Variants in ST6GALNAC3 observed in about 807,000 individuals in gnomAD.
ST6GALNAC3 encodes alpha-N-acetylgalactosaminide alpha-2,6-sialyltransferase 3.
In ST6GALNAC3, 25 loss-of-function variants were observed where a neutral mutation model predicts 32.7. The observed-to-expected ratio is 0.76, with a 90% CI of 0.56 to 1.07. The LOEUF is 1.07. ST6GALNAC3 is among the 50% of genes least tolerant of loss of function. The pLI is 0.00. For synonymous variants in ST6GALNAC3, 129 were observed against 133.1 expected (o/e 0.97, Z 0.21); for missense variants, 355 against 382.4 (o/e 0.93, Z 0.60).
At chr1:76,150,291 G>A (rs772706037) in intron 1 of ST6GALNAC3, among the ~76,000 whole-genome samples, 1 of 152,180 alleles carries the variant, frequency 6.6e-6, no homozygotes, top group Middle Eastern at 3.2e-3. Context: ...CTTCGTTCAA[G>A]TTGACTTCAA....
At chr1:76,201,384 G>T (rs114848896) in intron 1 of ST6GALNAC3, among the ~76,000 whole-genome samples, 1 of 152,172 alleles carries the variant, frequency 6.6e-6, no homozygotes, top group African/African-American at 2.4e-5. Context: ...CTATCAATGA[G>T]AACAGCATGG....
At chr1:76,589,215 G>A (rs1244242948) in intron 3 of ST6GALNAC3, among the ~76,000 whole-genome samples, 1 of 152,178 alleles carries the variant, frequency 6.6e-6, no homozygotes, top group East Asian at 1.9e-4. Flanking sequence ...CATGCCATTT[G>A]CAAATATCTC....
In ST6GALNAC3 at chr1:76,628,798, T is replaced by A. The variant is rs1221597960; in HGVS notation, c.910T>A (p.Leu304Met). 1.2e-6 allele frequency: 2 copies of A among 1,610,924 alleles called. No individual in the cohort carries two copies. The highest frequency in any genetic ancestry group is 8.5e-7 in the Non-Finnish European group (1 of 1,178,418). Residue 304 changes from leucine (L) to methionine (M), a missense_variant, in exon 5 of 5, where the codon TTG (leucine) becomes ATG (methionine). Transcript: ENST00000328299. ...RIIFTHPNWT[L>M]S ...AATATTTACACATCCAAACTGGACA[T>A]TGTCTTGATAATGGTTTTCCTGATC...
In ST6GALNAC3 at chr1:76,418,435, G is replaced by C. The variant is rs150519243; in HGVS notation, c.623+6018G>C. 2.3e-3 allele frequency among the ~76,000 whole-genome samples: 348 copies of C among 152,154 alleles called. 5 individuals are homozygous for C. The highest frequency in any genetic ancestry group is 7.9e-3 in the African/African-American group (328 of 41,524). ...AAACAACTATGCTAGCCATATCTTAGAGTCGCCATGGGGTACAGAAATGTG... is the reference window on the plus strand; with the variant it reads ...AAACAACTATGCTAGCCATATCTTACAGTCGCCATGGGGTACAGAAATGTG... On this transcript the variant is annotated intron_variant, in intron 3 of 4. Coordinates refer to ENST00000328299, the MANE Select transcript of ST6GALNAC3 (RefSeq NM_152996.4).
chr1:76,472,691 G>A (rs773081902), intron 3 of ST6GALNAC3, among the ~76,000 whole-genome samples: 7 of 152,128 alleles, frequency 4.6e-5, no homozygotes, highest in African/African-American at 1.4e-4. Context: ...ATGAGTTCAC[G>A]TGGATAAGAT....
chr1:76,549,181 A>G (rs1664472100), intron 3 of ST6GALNAC3, among the ~76,000 whole-genome samples: 1 of 152,194 alleles, frequency 6.6e-6, no homozygotes, highest in African/African-American at 2.4e-5. Flanking sequence ...CAGCTCTATC[A>G]AATTTACAGA....
chr1:76,215,629 C>T lies in ST6GALNAC3; in HGVS notation c.19-98176C>T, dbSNP rs147575473. Among the ~76,000 whole-genome samples the T allele has an allele frequency of 4.3e-4, 65 of 152,254 alleles. 1 individual carries two copies. The East Asian group carries it at 0.01, about 24-fold the overall frequency. ...GAAAAATGCATGCTGCATGTAGTTCCGAATGCCCCACCCAAATCTTGGAGC... is the reference window on the plus strand; with the variant it reads ...GAAAAATGCATGCTGCATGTAGTTCTGAATGCCCCACCCAAATCTTGGAGC... On this transcript the variant is annotated intron_variant, in intron 1 of 4. Transcript: ENST00000328299.
intron 1 of ST6GALNAC3, among the ~76,000 whole-genome samples, chr1:76,151,909 G>A (rs966410260): frequency 7.2e-5 from 11 of 152,304 alleles, no homozygotes; most frequent in South Asian, 2.1e-4. Context: ...TGGAGAAGCC[G>A]GTTCTTGAGA....
intron 1 of ST6GALNAC3, among the ~76,000 whole-genome samples, chr1:76,215,887 T>G (rs531885570): frequency 6.6e-6 from 1 of 152,216 alleles, no homozygotes. Context: ...ATTTGCTTAC[T>G]ACAGTGCTTT....
intron 1 of ST6GALNAC3, among the ~76,000 whole-genome samples, chr1:76,199,088 A>G (rs1654377893): frequency 6.6e-6 from 1 of 152,162 alleles, no homozygotes; most frequent in African/African-American, 2.4e-5. Flanking sequence ...CATGGCTCAA[A>G]TTCTTCCCTT....
At chr1:76,313,577 T>G (rs1215765174) in intron 1 of ST6GALNAC3, 7 of 644,494 alleles carry the variant, frequency 1.1e-5, no homozygotes, top group Non-Finnish European at 1.4e-5. Flanking sequence ...AGGGTGGAGA[T>G]GCAATGGAAG....
Position 76,345,817 on chromosome 1 carries a change from T to A in ST6GALNAC3, c.213+31818T>A, listed in dbSNP as rs181981407. On this transcript the variant is annotated intron_variant, in intron 2 of 4. Coordinates refer to ENST00000328299, the MANE Select transcript of ST6GALNAC3 (RefSeq NM_152996.4). ...CCCTCCCACTCTCTCTCTTGCTCCCTCCATTCCACACACACTGGTCTCCTT... is the reference window on the plus strand; with the variant it reads ...CCCTCCCACTCTCTCTCTTGCTCCCACCATTCCACACACACTGGTCTCCTT... 5.9e-5 allele frequency among the ~76,000 whole-genome samples: 9 copies of A among 152,134 alleles called. No individual in the cohort carries two copies. The East Asian group carries it at 1.7e-3, about 30-fold the overall frequency.
chr1:76,171,748 G>A (rs539488615), intron 1 of ST6GALNAC3, among the ~76,000 whole-genome samples: 39 of 148,332 alleles, frequency 2.6e-4, no homozygotes, highest in Middle Eastern at 3.5e-3. Context: ...GGAAAAAGCC[G>A]AATCCCTGAA....
intron 1 of ST6GALNAC3, among the ~76,000 whole-genome samples, chr1:76,114,089 C>T (rs1262229403): frequency 4.0e-5 from 6 of 151,524 alleles, no homozygotes; most frequent in Non-Finnish European, 8.8e-5. Context: ...GTGATCCACC[C>T]GCCTCGGCCT....
chr1:76,233,908 T>C (rs1441613135), intron 1 of ST6GALNAC3, among the ~76,000 whole-genome samples: 3 of 151,924 alleles, frequency 2.0e-5, no homozygotes, highest in Non-Finnish European at 4.4e-5. Flanking sequence ...AGTATATCTG[T>C]GATATTAAAA....
intron 1 of ST6GALNAC3, among the ~76,000 whole-genome samples, chr1:76,223,015 A>G (rs1485259114): frequency 1.3e-5 from 2 of 152,164 alleles, no homozygotes; most frequent in Non-Finnish European, 2.9e-5. Context: ...CTTAAAACAG[A>G]ATTACCATTT....
Position 76,189,584 on chromosome 1 carries a change from A to AG in ST6GALNAC3, c.18+114701dup, listed in dbSNP as rs1375633804. ...AGAGTAGAATGACTAATAAGAGATC[A>AG]GAAGCCAGCAAAGAGTAAATCCAAT... On this transcript the variant is annotated intron_variant, in intron 1 of 4. Coordinates refer to ENST00000328299, the MANE Select transcript of ST6GALNAC3 (RefSeq NM_152996.4). 2.0e-4 allele frequency among the ~76,000 whole-genome samples: 21 copies of AG among 104,898 alleles called. No homozygotes were observed. The East Asian group carries it at 5.1e-3, about 25-fold the overall frequency. The allele number at this position is 104,898 out of a possible 152,430, so 68.8% of individuals were successfully genotyped here.
chr1:76,505,146 CAG>C (rs766564639), intron 3 of ST6GALNAC3, among the ~76,000 whole-genome samples: 11 of 148,620 alleles, frequency 7.4e-5, no homozygotes, highest in Non-Finnish European at 1.3e-4. Context: ...TTTTTTCAGA[CAG>C]AGTCTCGCTC....
At chr1:76,479,800 C>T (rs939467429) in intron 3 of ST6GALNAC3, among the ~76,000 whole-genome samples, 4 of 151,780 alleles carry the variant, frequency 2.6e-5, no homozygotes, top group African/African-American at 9.7e-5. Context: ...TCCTTATTAC[C>T]CAAATTTATC....
Sources: allele counts gnomAD v4.1 joint callset (sites outside exome capture counted in the v4.1 genomes callset), GRCh38; gene constraint gnomAD v4.1.1; transcripts MANE v1.5; gene names NCBI Gene and HGNC (gene_info 2026-07-23, HGNC 2026-07-21).